The following TSPAN9 variants were observed in gnomAD, a reference collection of about 807,000 sequenced individuals.
TSPAN9 encodes the protein tetraspanin 9, also known as tetraspanin-9.
A neutral mutation model predicts 31.0 loss-of-function variants in TSPAN9; 16 were observed. That is an observed-to-expected ratio of 0.52 (90% CI 0.35 to 0.78). The LOEUF (loss-of-function observed/expected upper bound fraction) is 0.78, where lower values mean the gene tolerates loss of function less well. Ranked by LOEUF, TSPAN9 falls within the 30% of genes least tolerant of loss-of-function variation. TSPAN9 has a pLI of 0.01. For synonymous variants in TSPAN9, 145 were observed against 121.6 expected (o/e 1.19, Z -1.27); for missense variants, 272 against 312.5 (o/e 0.87, Z 0.98).
At chr12:3,239,659 G>A (rs1240123932) in intron 3 of TSPAN9, among the ~76,000 whole-genome samples, 1 of 152,188 alleles carries the variant, frequency 6.6e-6, no homozygotes, top group African/African-American at 2.4e-5. Context: ...CTGGGTAGAG[G>A]TTACTTGCAT....
chr12:3,158,998 T>C (rs2098343723), intron 2 of TSPAN9, among the ~76,000 whole-genome samples: 1 of 152,000 alleles, frequency 6.6e-6, no homozygotes, highest in African/African-American at 2.4e-5. Flanking sequence ...CCCTCTGCTG[T>C]GACTGTGCAG....
rs2098382240 is a variant in TSPAN9 at position 3,218,008 on chromosome 12, G to A, written c.63+16752G>A. 2.0e-5 allele frequency among the ~76,000 whole-genome samples: 3 copies of A among 152,198 alleles called. No homozygotes were observed. In the South Asian group the frequency reaches 6.2e-4, roughly 32 times the overall value. ...GAGGTTTCAGGTCATTGTGTGGTGT[G>A]TGGCGGGTGTGTTGGGGCCAGCTGA... On this transcript the variant is annotated intron_variant, in intron 3 of 8. Coordinates refer to ENST00000011898, the MANE Select transcript of TSPAN9 (RefSeq NM_006675.5).
At chr12:3,160,355 A>G (rs2098344413) in intron 2 of TSPAN9, among the ~76,000 whole-genome samples, 1 of 152,126 alleles carries the variant, frequency 6.6e-6, no homozygotes, top group Non-Finnish European at 1.5e-5. Context: ...CACTTGATGG[A>G]TATTTGGGTT....
At chr12:3,130,296 G>A (rs1042627790) in intron 2 of TSPAN9, among the ~76,000 whole-genome samples, 1 of 152,250 alleles carries the variant, frequency 6.6e-6, no homozygotes, top group African/African-American at 2.4e-5. Context: ...GGTGAAAACG[G>A]AAGTTCCCCA....
intron 3 of TSPAN9, among the ~76,000 whole-genome samples, chr12:3,248,612 G>A (rs540878704): frequency 1.1e-5 from 1 of 95,210 alleles, no homozygotes; most frequent in African/African-American, 2.6e-5. Flanking sequence ...ATTCCTTACA[G>A]TGAGCCTGGG....
At chr12:3,214,894 C>T (rs764104166) in intron 3 of TSPAN9, among the ~76,000 whole-genome samples, 1 of 151,862 alleles carries the variant, frequency 6.6e-6, no homozygotes, top group Non-Finnish European at 1.5e-5. Flanking sequence ...CCTCCTTCCC[C>T]CCATCCCCCT....
intron 2 of TSPAN9, among the ~76,000 whole-genome samples, chr12:3,198,350 G>A (rs1379512311): frequency 2.8e-4 from 4 of 14,470 alleles, no homozygotes; most frequent in African/African-American, 4.5e-4. Context: ...ACAGCTCACC[G>A]TACCAGCACA....
chr12:3,180,043 G>A (rs1325488066), intron 2 of TSPAN9, among the ~76,000 whole-genome samples: 1 of 152,132 alleles, frequency 6.6e-6, no homozygotes, highest in East Asian at 1.9e-4. Context: ...CTCATGGGCG[G>A]TCTACCCATG....
intron 2 of TSPAN9, among the ~76,000 whole-genome samples, chr12:3,133,418 A>G (rs1481343649): frequency 1.3e-5 from 2 of 152,186 alleles, no homozygotes; most frequent in Admixed American, 6.5e-5. Context: ...ATAAAATAAC[A>G]TAAAAGTATC....
Position 3,246,732 on chromosome 12 carries a change from G to A in TSPAN9, c.64-31689G>A, listed in dbSNP as rs1862137713. ...CAGAGCAAAACTTGAGTTTGTGGCT[G>A]TTCAGATCCATCTGGTATCTTCCCC... On this transcript the variant is annotated intron_variant, in intron 3 of 8. Transcript: ENST00000011898. Among the ~76,000 whole-genome samples, 8 of 152,244 alleles carry A rather than the reference G, an allele frequency of 5.3e-5. No homozygotes were observed. In the South Asian group the frequency reaches 1.7e-3, roughly 32 times the overall value.
At chr12:3,261,356 C>A (rs1032055180) in intron 3 of TSPAN9, among the ~76,000 whole-genome samples, 3 of 152,140 alleles carry the variant, frequency 2.0e-5, no homozygotes, top group African/African-American at 7.2e-5. Flanking sequence ...GCATTATTAT[C>A]CCCATTTTAC....
intron 3 of TSPAN9, among the ~76,000 whole-genome samples, chr12:3,267,474 G>A (rs181721091): frequency 6.6e-6 from 1 of 152,268 alleles, no homozygotes; most frequent in Admixed American, 6.5e-5. Flanking sequence ...TGAGGTCTGG[G>A]CTGCCCATGG....
chr12:3,082,194 G>T (rs914165094), intron 1 of TSPAN9, among the ~76,000 whole-genome samples: 7 of 152,214 alleles, frequency 4.6e-5, no homozygotes, highest in Non-Finnish European at 8.8e-5. Context: ...TGATTGAGGA[G>T]CACCATTGCA....
At chr12:3,215,026 G>A (rs2098380635) in intron 3 of TSPAN9, among the ~76,000 whole-genome samples, 1 of 151,874 alleles carries the variant, frequency 6.6e-6, no homozygotes, top group South Asian at 2.1e-4. Context: ...CCTGGCCCTG[G>A]CCTGCGCTCC....
At chr12:3,097,940 G>A (rs1433422135) in intron 2 of TSPAN9, among the ~76,000 whole-genome samples, 2 of 152,354 alleles carry the variant, frequency 1.3e-5, no homozygotes, top group East Asian at 1.9e-4. Context: ...CACCTCCTCC[G>A]TGGAAGTTCA....
intron 2 of TSPAN9, among the ~76,000 whole-genome samples, chr12:3,101,302 T>C (rs144492392): frequency 2.9e-3 from 437 of 152,212 alleles, no homozygotes; most frequent in African/African-American, 9.9e-3. Context: ...TTTCTGAAAA[T>C]TGAACCATCC....
chr12:3,280,701 C>T lies in TSPAN9; in HGVS notation c.432+218C>T, dbSNP rs59272286. On this transcript the variant is annotated intron_variant, in intron 6 of 8. Coordinates refer to ENST00000011898, the MANE Select transcript of TSPAN9 (RefSeq NM_006675.5). This position sits in a 1 kb window ranked among gnomAD's most constrained non-coding sequence, Gnocchi z 4.5. ...GGATGAGGATACAGGAGGGGCAGGC[C>T]TGAGAGAGCTGTGGCTGAGCTTTGG... 2.0e-5 allele frequency among the ~76,000 whole-genome samples: 3 copies of T among 152,190 alleles called. No homozygotes were observed. The highest frequency in any genetic ancestry group is 6.5e-5 in the Admixed American group (1 of 15,284).
At chr12:3,217,947 A>G (rs762650585) in intron 3 of TSPAN9, among the ~76,000 whole-genome samples, 1 of 152,008 alleles carries the variant, frequency 6.6e-6, no homozygotes, top group Non-Finnish European at 1.5e-5. Flanking sequence ...ACTACTTTCT[A>G]GATGGGTTCA....
intron 3 of TSPAN9, among the ~76,000 whole-genome samples, chr12:3,214,529 A>G (rs1241879114): frequency 6.6e-6 from 1 of 152,126 alleles, no homozygotes; most frequent in African/African-American, 2.4e-5. Flanking sequence ...TCGGACCTCC[A>G]GTTCCTTGCT....
Sources: gnomAD v4.1 joint callset for allele counts (sites outside exome capture counted in the v4.1 genomes callset) on GRCh38, gnomAD v4.1.1 for gene constraint, Gnocchi (gnomAD v3.1) non-coding constraint, MANE v1.5 for transcripts, NCBI Gene and HGNC (gene_info 2026-07-23, HGNC 2026-07-21) for gene names.